The following ANK3 variants were observed in gnomAD, a reference collection of about 807,000 sequenced individuals.
ANK3 encodes the protein ankyrin 3, also known as ankyrin-3.
In ANK3, 57 loss-of-function variants were observed where a neutral mutation model predicts 370.9. The observed-to-expected ratio is 0.15, with a 90% CI of 0.12 to 0.19. The LOEUF (loss-of-function observed/expected upper bound fraction) is 0.19. ANK3 is among the 10% of genes least tolerant of loss of function. The pLI is 1.00. For synonymous variants in ANK3, 1,929 were observed against 1,946.3 expected (o/e 0.99, Z 0.23); for missense variants, 4,439 against 5,302.1 (o/e 0.84, Z 5.06).
rs774905406 is a variant in ANK3, at chr10:60,073,898, C to T, written c.6983G>A (p.Arg2328His). 4.3e-5 allele frequency: 70 copies of T among 1,613,860 alleles called. No individual in the cohort carries two copies. In the Admixed American group the frequency reaches 6.3e-4, roughly 15 times the overall value. Residue 2328 changes from arginine to histidine, a missense_variant, in exon 37 of 44, where the codon CGT becomes CAT. Coordinates refer to ENST00000280772, the MANE Select transcript of ANK3 (RefSeq NM_020987.5). ...TTTTTCGATGTGGACTTCTATTATA[C>T]GCTCCAGTTTGGGTTTCATTTGGTT... is the stretch of plus-strand genomic sequence containing the variant. ...KDNQMKPKLERIIEVHIEKGN... is the reference protein window; with the variant it reads ...KDNQMKPKLEHIIEVHIEKGN...
intron 2 of ANK3, among the ~76,000 whole-genome samples, chr10:60,519,621 C>A (rs1222607470): frequency 6.6e-6 from 1 of 152,082 alleles, no homozygotes; most frequent in Admixed American, 6.6e-5. Flanking sequence ...TAAGAACAAG[C>A]CTCAGCATTC....
At chr10:60,113,442 C>T (rs1213985022) in intron 26 of ANK3, among the ~76,000 whole-genome samples, 1 of 152,190 alleles carries the variant, frequency 6.6e-6, no homozygotes, top group Non-Finnish European at 1.5e-5. Context: ...GGTGTGGCGG[C>T]TCATGCCTGT....
intron 1 of ANK3, among the ~76,000 whole-genome samples, chr10:60,712,278 T>TAAG (rs2079720783): frequency 6.6e-6 from 1 of 152,238 alleles, no homozygotes; most frequent in Non-Finnish European, 1.5e-5. Context: ...TCCTGCTGGA[T>TAAG]CTGTTAATTT....
intron 25 of ANK3, among the ~76,000 whole-genome samples, chr10:60,133,874 A>G (rs10994215): frequency 0.017 from 2,519 of 152,228 alleles, 56 homozygotes; most frequent in East Asian, 0.074. Flanking sequence ...AGCTGACATC[A>G]TGCCACTGCA....
chr10:60,709,264 GA>G (rs1021742578), intron 1 of ANK3, among the ~76,000 whole-genome samples: 1 of 151,162 alleles, frequency 6.6e-6, no homozygotes, highest in Non-Finnish European at 1.5e-5. Flanking sequence ...CAGAGAAACA[GA>G]ACCAATAGGA....
chr10:60,451,031 A>T (rs549620291), intron 2 of ANK3, among the ~76,000 whole-genome samples: 1 of 152,286 alleles, frequency 6.6e-6, no homozygotes, highest in Non-Finnish European at 1.5e-5. Flanking sequence ...ATCCAATGAC[A>T]TGTGTCTTAA....
chr10:60,089,493 GTGTGTGTGTGTGTGTATGTA>G (rs2087634802), intron 28 of ANK3, among the ~76,000 whole-genome samples: 1 of 106,722 alleles, frequency 9.4e-6, no homozygotes, highest in African/African-American at 3.4e-5. Context: ...GTGTGTGTGT[GTGTGTGTGTGTGTGTATGTA>G]TGTGTGTTTC....
rs115912557 is a variant in ANK3, at chr10:60,440,694, A to G, written c.97-161055T>C. Among the ~76,000 whole-genome samples the G allele has an allele frequency of 1.9e-3, 291 of 152,284 alleles. 2 individuals are homozygous for G. The highest frequency in any genetic ancestry group is 6.7e-3 in the African/African-American group (279 of 41,566). On this transcript the variant is annotated intron_variant, in intron 2 of 43. Transcript: ENST00000373827. ...CCACCCAAGGATTCACTGACCCAGG[A>G]TCTTTAGGAGTGGGGAACAGGAATT...
At chr10:60,518,654 C>T (rs994220839) in intron 2 of ANK3, among the ~76,000 whole-genome samples, 7 of 152,126 alleles carry the variant, frequency 4.6e-5, no homozygotes, top group Admixed American at 3.3e-4. Context: ...TTTCCCCTCC[C>T]TTCCAACTCC....
At chr10:60,305,548 T>C (rs1394907674) in intron 1 of ANK3, among the ~76,000 whole-genome samples, 1 of 152,198 alleles carries the variant, frequency 6.6e-6, no homozygotes, top group African/African-American at 2.4e-5. Flanking sequence ...CAGTTGGTTA[T>C]CGTCTTTTTA....
intron 23 of ANK3, among the ~76,000 whole-genome samples, chr10:60,157,329 G>A (rs2095362411): frequency 7.0e-6 from 1 of 143,834 alleles, no homozygotes; most frequent in African/African-American, 2.6e-5. Flanking sequence ...GAGCCACTGT[G>A]CCCGGCTTTT....
intron 1 of ANK3, among the ~76,000 whole-genome samples, chr10:60,655,354 G>A (rs975095285): frequency 4.6e-5 from 7 of 151,990 alleles, no homozygotes; most frequent in Non-Finnish European, 7.4e-5. Context: ...AATTGCTGAG[G>A]TGGAAGATGG....
intron 2 of ANK3, among the ~76,000 whole-genome samples, chr10:60,581,989 G>A (rs2077760916): frequency 6.6e-6 from 1 of 152,108 alleles, no homozygotes; most frequent in African/African-American, 2.4e-5. Flanking sequence ...GATGAAGCTG[G>A]AAACCATCAT....
intron 1 of ANK3, among the ~76,000 whole-genome samples, chr10:60,616,357 A>G (rs947259148): frequency 6.6e-6 from 1 of 152,206 alleles, no homozygotes; most frequent in East Asian, 1.9e-4. Flanking sequence ...ACAAAAAATG[A>G]AAATCAATCA....
intron 8 of ANK3, among the ~76,000 whole-genome samples, chr10:60,221,841 C>G (rs2097064363): frequency 6.6e-6 from 1 of 152,218 alleles, no homozygotes; most frequent in Admixed American, 6.5e-5. Context: ...GCTGCTACCT[C>G]TGATCTCTGA....
rs375388674 is a variant in ANK3, at chr10:60,075,480, A to G, written c.5401T>C (p.Tyr1801His). 1.2e-6 allele frequency: 2 copies of G among 1,612,902 alleles called. No individual in the cohort carries two copies. Among genetic ancestry groups the G allele is most frequent in the Non-Finnish European group, 8.5e-7 (1 of 1,179,996 alleles). Reference sequence around the variant, plus strand: ...GATATTGACGACCCAAGGGATGTATAGAGTGCACTTGCGGAAGGAGTTCTT... The same window carrying G: ...GATATTGACGACCCAAGGGATGTATGGAGTGCACTTGCGGAAGGAGTTCTT... ...SLRTPSASALYTSLGSSISAT... is the reference protein window; with the variant it reads ...SLRTPSASALHTSLGSSISAT... Residue 1801 changes from tyrosine to histidine, a missense_variant, in exon 37 of 44, where the codon TAT becomes CAT. By Grantham distance (83) the Tyr-to-His change is moderately conservative. This residue lies in a region of ANK3 where 679 missense variants were observed against 791.0 expected (regional missense o/e 0.86). Coordinates refer to ENST00000280772, the MANE Select transcript of ANK3 (RefSeq NM_020987.5).
At position 60,258,062 on chromosome 10, in the gene ANK3, A is replaced by G. The variant is rs10994289; in HGVS notation, c.798+3797T>C. Among the ~76,000 whole-genome samples, 550 of 152,302 alleles carry G rather than the reference A, an allele frequency of 3.6e-3. 2 individuals are homozygous for G. Among genetic ancestry groups the G allele is most frequent in the African/African-American group, 0.012 (513 of 41,582 alleles). On this transcript the variant is annotated intron_variant, in intron 7 of 43. Transcript: ENST00000280772. Reference sequence around the variant, plus strand: ...ACTTTGCAGGCAACCACATAATACAATTTGGCCTTTTGTTACTCTAGTGCA... The same window carrying G: ...ACTTTGCAGGCAACCACATAATACAGTTTGGCCTTTTGTTACTCTAGTGCA...
intron 2 of ANK3, among the ~76,000 whole-genome samples, chr10:60,548,520 G>T (rs1228388191): frequency 6.6e-6 from 1 of 151,902 alleles, no homozygotes; most frequent in Non-Finnish European, 1.5e-5. Flanking sequence ...AAAGTGTTGG[G>T]ATAACAGGCA....
At chr10:60,114,189 A>T in intron 26 of ANK3, 36 bp downstream of exon 26, 1 of 1,197,334 alleles carries the variant, frequency 8.4e-7, no homozygotes, top group Non-Finnish European at 1.2e-6. Flanking sequence ...CTGTTCATGT[A>T]GTAGGATAAT....
Sources: allele counts gnomAD v4.1 joint callset (sites outside exome capture counted in the v4.1 genomes callset), GRCh38; gene constraint gnomAD v4.1.1; regional missense constraint gnomAD v4.1.1; transcripts MANE v1.5; gene names NCBI Gene and HGNC (gene_info 2026-07-23, HGNC 2026-07-21).